The following PTPRJ variants were observed in gnomAD, a reference collection of about 807,000 sequenced individuals.
PTPRJ encodes protein tyrosine phosphatase receptor type J, also known as receptor-type tyrosine-protein phosphatase eta.
PTPRJ carries 129 observed loss-of-function variants against 141.3 expected under a neutral mutation model. That is an observed-to-expected ratio of 0.91 (90% CI 0.79 to 1.06). The LOEUF (loss-of-function observed/expected upper bound fraction) is 1.06. PTPRJ is among the 50% of genes least tolerant of loss of function. PTPRJ has a pLI of 0.00. For synonymous variants in PTPRJ, 610 were observed against 640.5 expected, an observed-to-expected ratio of 0.95 and a Z score of 0.72; for missense variants, 1,601 against 1,679.7, an observed-to-expected ratio of 0.95 and a Z score of 0.82.
intron 1 of PTPRJ, among the ~76,000 whole-genome samples, chr11:48,088,008 G>A (rs1855761851): frequency 6.6e-6 from 1 of 152,184 alleles, no homozygotes; most frequent in South Asian, 2.1e-4. Context: ...CTCTCTTGGT[G>A]ATCTCTCTCT....
chr11:48,104,529 A>G (rs539075476), intron 1 of PTPRJ, among the ~76,000 whole-genome samples: 1 of 152,320 alleles, frequency 6.6e-6, no homozygotes, highest in South Asian at 2.1e-4. Context: ...AGAAGGATAA[A>G]GAGTCTATTG....
chr11:48,123,928 A>G, intron 5 of PTPRJ, 58 bp downstream of exon 5: 5 of 1,512,056 alleles, frequency 3.3e-6, no homozygotes, highest in Non-Finnish European at 3.6e-6. Flanking sequence ...CAGTAACTAA[A>G]TGTTCTAAAA....
chr11:48,121,329 C>G lies in PTPRJ; in HGVS notation c.616+63C>G, dbSNP rs892513451. 2.0e-6 allele frequency: 3 copies of G among 1,528,438 alleles called. No individual in the cohort carries two copies. The African/African-American group carries it at 4.1e-5, about 21-fold the overall frequency. 94.7% of individuals were successfully genotyped at this position (1,528,438 alleles called of 1,614,324 possible). A position where few individuals can be genotyped will look rare whatever the true frequency, so the allele number is the denominator to read the frequency against. ...TTCTTATTATGGTGTATTCTAGGGCCTTGTCCGTTCAAGTTGCCTGTTGGA... is the reference window on the plus strand; with the variant it reads ...TTCTTATTATGGTGTATTCTAGGGCGTTGTCCGTTCAAGTTGCCTGTTGGA... On this transcript the variant is annotated intron_variant, in intron 4 of 24. Coordinates refer to ENST00000418331, the MANE Select transcript of PTPRJ (RefSeq NM_002843.4).
intron 24 of PTPRJ, 43 bp downstream of exon 24, chr11:48,164,558 ATTTTTTT>A (rs60806872): frequency 6.3e-4 from 490 of 773,866 alleles, no homozygotes; most frequent in African/African-American, 1.1e-3. Context: ...CTTCCCCTCC[ATTTTTTT>A]TTTTTTTTTT....
chr11:48,162,715 A>G (rs1857816824), intron 22 of PTPRJ, among the ~76,000 whole-genome samples: 1 of 152,194 alleles, frequency 6.6e-6, no homozygotes, highest in Non-Finnish European at 1.5e-5. Flanking sequence ...ATTCCCTGGT[A>G]TGGGCATAAC....
intron 1 of PTPRJ, among the ~76,000 whole-genome samples, chr11:48,066,733 G>T (rs1855094519): frequency 6.6e-6 from 1 of 151,984 alleles, no homozygotes; most frequent in Non-Finnish European, 1.5e-5. Flanking sequence ...TTACAGGCTT[G>T]AGCCACTATG....
intron 14 of PTPRJ, among the ~76,000 whole-genome samples, chr11:48,145,563 T>A (rs1225931274): frequency 5.4e-5 from 8 of 146,960 alleles, no homozygotes; most frequent in African/African-American, 2.0e-4. Context: ...TTTATGTTTT[T>A]TTTTTTTTTT....
chr11:48,040,905 A>T (rs548941689), intron 1 of PTPRJ, among the ~76,000 whole-genome samples: 6 of 152,114 alleles, frequency 3.9e-5, no homozygotes, highest in Admixed American at 1.3e-4. Flanking sequence ...CCCCTCTTAC[A>T]TTCTTTTCTT....
intron 1 of PTPRJ, among the ~76,000 whole-genome samples, chr11:48,060,110 C>A (rs536021517): frequency 2.0e-5 from 3 of 152,146 alleles, no homozygotes; most frequent in Non-Finnish European, 4.4e-5. Flanking sequence ...AACTGTAATA[C>A]ATCACACTTT....
chr11:47,989,655 T>C (rs182722303), intron 1 of PTPRJ, among the ~76,000 whole-genome samples: 2 of 152,278 alleles, frequency 1.3e-5, no homozygotes, highest in East Asian at 3.9e-4. Context: ...GATATAGATA[T>C]AATCTTTGTT....
intron 1 of PTPRJ, among the ~76,000 whole-genome samples, chr11:48,039,464 GGTGTGTGTGTGTGTGT>G (rs67338648): frequency 2.7e-5 from 4 of 146,430 alleles, no homozygotes; most frequent in South Asian, 2.2e-4. Flanking sequence ...ACAACACTAT[GGTGTGTGTGTGTGTGT>G]GTGTGTGTGT....
chr11:48,106,638 G>T (rs1230483794), intron 1 of PTPRJ, among the ~76,000 whole-genome samples: 1 of 151,956 alleles, frequency 6.6e-6, no homozygotes, highest in East Asian at 1.9e-4. Flanking sequence ...TGATGTGTAT[G>T]TACATGTAGG....
At chr11:48,025,201 G>A (rs1325458626) in intron 1 of PTPRJ, among the ~76,000 whole-genome samples, 10 of 152,154 alleles carry the variant, frequency 6.6e-5, no homozygotes, top group Admixed American at 2.6e-4. Context: ...GGGCAGCCTG[G>A]TGAAATGATA....
At chr11:48,054,800 AT>A (rs1417585746) in intron 1 of PTPRJ, among the ~76,000 whole-genome samples, 1 of 144,630 alleles carries the variant, frequency 6.9e-6, no homozygotes, top group Non-Finnish European at 1.5e-5. Context: ...TAATTTCCTC[AT>A]TTTTTTCCTT....
intron 1 of PTPRJ, among the ~76,000 whole-genome samples, chr11:48,082,858 A>G (rs1358108834): frequency 6.6e-6 from 1 of 152,190 alleles, no homozygotes; most frequent in Non-Finnish European, 1.5e-5. Flanking sequence ...ATAGGTGAAT[A>G]GTATCTACCC....
intron 1 of PTPRJ, among the ~76,000 whole-genome samples, chr11:48,079,334 G>C (rs1346871317): frequency 1.3e-5 from 2 of 152,024 alleles, no homozygotes; most frequent in Non-Finnish European, 2.9e-5. Flanking sequence ...TCCATGTCTT[G>C]GTGGCGGTGT....
At chr11:48,012,568 A>G (rs1364376944) in intron 1 of PTPRJ, among the ~76,000 whole-genome samples, 8 of 152,110 alleles carry the variant, frequency 5.3e-5, no homozygotes, top group Non-Finnish European at 1.2e-4. Context: ...ATGATGTTCC[A>G]GGAGGCAAGA....
At chr11:48,107,758 T>C (rs1856331686) in intron 1 of PTPRJ, among the ~76,000 whole-genome samples, 2 of 152,216 alleles carry the variant, frequency 1.3e-5, no homozygotes, top group South Asian at 4.1e-4. Context: ...CTCCGTGCCC[T>C]CTGCAACTGG....
chr11:48,150,622 G>A (rs967094125), intron 18 of PTPRJ, among the ~76,000 whole-genome samples: 1 of 152,212 alleles, frequency 6.6e-6, no homozygotes, highest in Admixed American at 6.5e-5. Context: ...ATATGAGCTG[G>A]AAAGAAACCA....
Sources: allele counts gnomAD v4.1 joint callset (sites outside exome capture counted in the v4.1 genomes callset), GRCh38; gene constraint gnomAD v4.1.1; transcripts MANE v1.5; gene names NCBI Gene and HGNC (gene_info 2026-07-23, HGNC 2026-07-21).